Variants in NUCB1 observed in about 807,000 individuals in gnomAD.
NUCB1 encodes the protein nucleobindin 1, also known as nucleobindin-1.
In NUCB1, 47 loss-of-function variants were observed where a neutral mutation model predicts 61.2. The observed-to-expected ratio is 0.77, with a 90% CI of 0.61 to 0.98. The LOEUF (loss-of-function observed/expected upper bound fraction) is 0.98. Ranked by LOEUF, NUCB1 falls within the 50% of genes least tolerant of loss-of-function variation. The pLI is 0.00. For missense variants in NUCB1, 583 were observed against 605.3 expected, an observed-to-expected ratio of 0.96 and a Z score of 0.39; for synonymous variants, 234 against 243.1, an observed-to-expected ratio of 0.96 and a Z score of 0.35.
At position 48,913,308 on chromosome 19, in the gene NUCB1, CCT is replaced by C. The variant is rs1430157257; in HGVS notation, c.666+113_666+114del. The C allele has an allele frequency of 2.4e-5, 30 of 1,249,720 alleles. No individual in the cohort carries two copies. In the East Asian group the frequency reaches 5.1e-4, roughly 21 times the overall value. 77.4% of individuals were successfully genotyped at this position (1,249,720 alleles called of 1,614,324 possible). On this transcript the variant is annotated intron_variant, in intron 6 of 12. Coordinates refer to ENST00000405315, the MANE Select transcript of NUCB1 (RefSeq NM_006184.6). ...AGGGGCCCTTGAGGCAAAAAAACTC[CCT>C]GTTACTGTACCTGGCTGCCCCAGGG... is the stretch of plus-strand genomic sequence containing the variant.
chr19:48,913,314 A>C, intron 6 of NUCB1, 118 bp downstream of exon 6: 1 of 1,236,796 alleles, frequency 8.1e-7, no homozygotes, highest in Non-Finnish European at 1.1e-6. Flanking sequence ...ACTCCCTGTT[A>C]CTGTACCTGG....
At chr19:48,904,520 C>T in intron 3 of NUCB1, 66 bp downstream of exon 3, 1 of 915,768 alleles carries the variant, frequency 1.1e-6, no homozygotes, top group South Asian at 1.5e-5. Flanking sequence ...CAGGGGAGGA[C>T]TGGTTTCTTT....
chr19:48,911,058 C>A, intron 4 of NUCB1, 91 bp from the exon 5 acceptor site: 1 of 897,648 alleles, frequency 1.1e-6, no homozygotes, highest in Non-Finnish European at 1.8e-6. Flanking sequence ...TTCCCTAGTG[C>A]TGTCCGTGAC....
chr19:48,902,022 C>T (rs904720166), intron 2 of NUCB1, among the ~76,000 whole-genome samples: 3 of 152,172 alleles, frequency 2.0e-5, no homozygotes, highest in African/African-American at 7.2e-5. Flanking sequence ...GCCCCATGCC[C>T]ATGGACTATC....
intron 1 of NUCB1, 148 bp from the exon 2 acceptor site, chr19:48,900,638 G>T: frequency 9.3e-7 from 1 of 1,078,352 alleles, no homozygotes; most frequent in Non-Finnish European, 1.3e-6. Flanking sequence ...AAGGCCGGAG[G>T]CCTGGAATCC....
chr19:48,918,668 G>A, intron 7 of NUCB1, 58 bp from the exon 8 acceptor site: 5 of 1,443,970 alleles, frequency 3.5e-6, no homozygotes, highest in Non-Finnish European at 4.9e-6. Context: ...CTTCACCAGG[G>A]ACCTTACACA....
In NUCB1 at chr19:48,900,340, G is replaced by T; in HGVS notation, c.-44G>T. On this transcript the variant is annotated 5_prime_UTR_variant, in exon 1 of 13. Transcript: ENST00000405315. ...AAGAACGCACCGGAGGTCCTTGCCC[G>T]CCCTGGAAAACGCCCTCTGCGGTGA... 1 of 164,278 alleles carries T rather than the reference G, an allele frequency of 6.1e-6. No individual in the cohort carries two copies. Among genetic ancestry groups the T allele is most frequent in the Admixed American group, 6.0e-5 (1 of 16,566 alleles). 10.2% of individuals were successfully genotyped at this position (164,278 alleles called of 1,614,324 possible).
chr19:48,904,530 T>C, intron 3 of NUCB1, 76 bp downstream of exon 3: 2 of 739,922 alleles, frequency 2.7e-6, no homozygotes. Flanking sequence ...CTGGTTTCTT[T>C]TTTTTTTTTT....
chr19:48,914,431 A>T (rs1388926080), intron 7 of NUCB1, among the ~76,000 whole-genome samples: 1 of 151,808 alleles, frequency 6.6e-6, no homozygotes, highest in African/African-American at 2.4e-5. Context: ...GCAAGGCCTG[A>T]CTCATTCATT....
chr19:48,916,368 A>C (rs1397908434), intron 7 of NUCB1, among the ~76,000 whole-genome samples: 3 of 152,216 alleles, frequency 2.0e-5, no homozygotes, highest in Non-Finnish European at 1.5e-5. Flanking sequence ...CTGTAATCCC[A>C]GCACTTTGGG....
chr19:48,921,942 C>G lies in NUCB1; in HGVS notation c.1279+10C>G. 6.3e-7 allele frequency: 1 copy of G among 1,577,208 alleles called. No homozygotes were observed. Among genetic ancestry groups the G allele is most frequent in the Non-Finnish European group, 8.6e-7 (1 of 1,160,392 alleles). On this transcript the variant is annotated intron_variant, in intron 12 of 12. Coordinates refer to ENST00000405315, the MANE Select transcript of NUCB1 (RefSeq NM_006184.6). ...TTCCACCCAGACACAGGTGCTGGCC[C>G]TAGTCCAGGGAGGAGGGGCTGCAGG...
At chr19:48,919,913 C>A (rs943642144) in intron 10 of NUCB1, among the ~76,000 whole-genome samples, 2 of 151,758 alleles carry the variant, frequency 1.3e-5, no homozygotes, top group African/African-American at 2.4e-5. Flanking sequence ...GGATTACAGG[C>A]GTGAGCCACC....
chr19:48,908,648 C>CGTGTGTGTGTGTGT (rs58211997), intron 4 of NUCB1, among the ~76,000 whole-genome samples: 1,653 of 86,526 alleles, frequency 0.019, 82 homozygotes, highest in East Asian at 0.045. Context: ...TCTAGCTGCC[C>CGTGTGTGTGTGTGT]GTGTGTGTGT....
In NUCB1 at chr19:48,922,505, C is replaced by A. The variant is rs1363869060; in HGVS notation, c.*81C>A. On this transcript the variant is annotated 3_prime_UTR_variant, in exon 13 of 13. Transcript: ENST00000405315. Reference sequence around the variant, plus strand: ...CTGGATGAAGTGGCACAGTCAGCTTCCCTGGGGGCTGGTGTCATGTTGGGC... The same window carrying A: ...CTGGATGAAGTGGCACAGTCAGCTTACCTGGGGGCTGGTGTCATGTTGGGC... The A allele has an allele frequency of 3.5e-5, 43 of 1,227,690 alleles. No individual in the cohort carries two copies. The highest frequency in any genetic ancestry group is 4.9e-5 in the Non-Finnish European group (41 of 842,356). 76.0% of individuals were successfully genotyped at this position (1,227,690 alleles called of 1,614,324 possible). A position where few individuals can be genotyped will look rare whatever the true frequency, so the allele number is the denominator to read the frequency against.
At chr19:48,906,551 GTC>G in intron 4 of NUCB1, among the ~76,000 whole-genome samples, 1 of 151,960 alleles carries the variant, frequency 6.6e-6, no homozygotes, top group African/African-American at 2.4e-5. Context: ...CAAGACCCCT[GTC>G]TCTATAAAAA....
intron 7 of NUCB1, among the ~76,000 whole-genome samples, chr19:48,914,068 C>T (rs76676914): frequency 0.044 from 6,730 of 151,506 alleles, 521 homozygotes; most frequent in African/African-American, 0.15. Flanking sequence ...CTCCGCCTCC[C>T]GGGTTCAAGT....
At chr19:48,908,721 G>GGTGGGT (rs780595245) in intron 4 of NUCB1, among the ~76,000 whole-genome samples, 3,082 of 109,364 alleles carry the variant, frequency 0.028, 92 homozygotes, top group Non-Finnish European at 0.036. Context: ...TTGACCAAGG[G>GGTGGGT]GTGTGTGTGT....
intron 4 of NUCB1, among the ~76,000 whole-genome samples, chr19:48,906,619 G>A (rs761847494): frequency 4.4e-4 from 67 of 151,978 alleles, no homozygotes; most frequent in Non-Finnish European, 1.2e-4. Context: ...ACCTCCTTAG[G>A]AAGCTGAGGT....
intron 5 of NUCB1, among the ~76,000 whole-genome samples, 168 bp from the exon 6 acceptor site, chr19:48,912,843 C>CA (rs5828367): frequency 0.21 from 20,191 of 95,174 alleles, 2,109 homozygotes; most frequent in African/African-American, 0.24. Flanking sequence ...GACTCCCTCT[C>CA]AAAAAAAAAA....
Sources: allele counts gnomAD v4.1 joint callset (sites outside exome capture counted in the v4.1 genomes callset), GRCh38; gene constraint gnomAD v4.1.1; transcripts MANE v1.5; gene names NCBI Gene and HGNC (gene_info 2026-07-23, HGNC 2026-07-21).